Variants in MSRA observed in about 807,000 individuals in gnomAD.
MSRA encodes methionine sulfoxide reductase A, also known as mitochondrial peptide methionine sulfoxide reductase.
MSRA carries 54 observed loss-of-function variants against 31.3 expected under a neutral mutation model. That is an observed-to-expected ratio of 1.73 (90% CI 1.39 to 2.17). The LOEUF is 2.17. MSRA is among the 30% of genes most tolerant of loss of function. The pLI, the probability that MSRA is intolerant of heterozygous loss-of-function variation, is 0.00. For synonymous variants in MSRA, 169 were observed against 116.5 expected (o/e 1.45, Z -2.90); for missense variants, 507 against 300.9 (o/e 1.69, Z -5.07).
chr8:10,192,234 G>A (rs193114972), intron 1 of MSRA, among the ~76,000 whole-genome samples: 37 of 152,198 alleles, frequency 2.4e-4, no homozygotes, highest in African/African-American at 8.2e-4. Context: ...CACTAAGTTC[G>A]GCCTACACTC....
chr8:10,185,025 C>G (rs963337415), intron 1 of MSRA, among the ~76,000 whole-genome samples: 1 of 152,228 alleles, frequency 6.6e-6, no homozygotes, highest in African/African-American at 2.4e-5. Flanking sequence ...CGGTTCTTAA[C>G]TGTTCTTTCC....
At chr8:10,157,749 G>A (rs897437402) in intron 1 of MSRA, among the ~76,000 whole-genome samples, 1 of 151,764 alleles carries the variant, frequency 6.6e-6, no homozygotes, top group East Asian at 1.9e-4. Context: ...TTGCTGATAG[G>A]CCTCTCTCCC....
chr8:10,071,034 C>T (rs576152778), intron 1 of MSRA, among the ~76,000 whole-genome samples: 34 of 152,156 alleles, frequency 2.2e-4, no homozygotes, highest in Non-Finnish European at 4.4e-4. Flanking sequence ...AATTGCTGGG[C>T]ACTTACATGT....
chr8:10,148,724 C>T (rs1351114932), intron 1 of MSRA, among the ~76,000 whole-genome samples: 1 of 141,408 alleles, frequency 7.1e-6, no homozygotes, highest in Non-Finnish European at 1.5e-5. Context: ...ATTGCTTGAA[C>T]CCAGGAGGTC....
intron 5 of MSRA, among the ~76,000 whole-genome samples, chr8:10,389,790 C>CTTTTTTTTT (rs55769720): frequency 1.1e-4 from 13 of 123,386 alleles, no homozygotes; most frequent in Non-Finnish European, 1.5e-4. Context: ...GAAACTTACT[C>CTTTTTTTTT]TTTTTTTTTT....
chr8:10,086,450 AG>A (rs1484999899), intron 1 of MSRA, among the ~76,000 whole-genome samples: 1 of 152,222 alleles, frequency 6.6e-6, no homozygotes, highest in Non-Finnish European at 1.5e-5. Flanking sequence ...TGTTAATTCC[AG>A]CTTTGTGAAT....
At chr8:10,201,458 C>T (rs533606380) in intron 1 of MSRA, among the ~76,000 whole-genome samples, 9 of 152,124 alleles carry the variant, frequency 5.9e-5, no homozygotes, top group Admixed American at 2.0e-4. Flanking sequence ...TAGGTGGTGT[C>T]CCCTGGTCAC....
At chr8:10,417,492 C>CTGG (rs1808537102) in intron 5 of MSRA, among the ~76,000 whole-genome samples, 1 of 151,784 alleles carries the variant, frequency 6.6e-6, no homozygotes, top group African/African-American at 2.4e-5. Flanking sequence ...AGTCAGTGCC[C>CTGG]AGTCAGCCGT....
chr8:10,411,123 T>G (rs1227844512), intron 5 of MSRA: 1 of 152,188 alleles, frequency 6.6e-6, no homozygotes, highest in Non-Finnish European at 1.5e-5. Flanking sequence ...CTCTTTGTTA[T>G]TCTCTTGGCA....
intron 1 of MSRA, among the ~76,000 whole-genome samples, chr8:10,143,344 A>C (rs1802863650): frequency 6.6e-6 from 1 of 152,174 alleles, no homozygotes; most frequent in Admixed American, 6.5e-5. Flanking sequence ...GAACACAGAA[A>C]GCCAAATGCT....
chr8:10,398,553 C>G (rs534592528), intron 5 of MSRA, among the ~76,000 whole-genome samples: 93 of 152,320 alleles, frequency 6.1e-4, no homozygotes, highest in Non-Finnish European at 1.1e-3. Flanking sequence ...AACAGAGTGC[C>G]CAGAACTGGA....
At chr8:10,143,431 C>T (rs1289017990) in intron 1 of MSRA, among the ~76,000 whole-genome samples, 2 of 152,168 alleles carry the variant, frequency 1.3e-5, no homozygotes, top group African/African-American at 2.4e-5. Context: ...AGCCCCGTTA[C>T]TATGGTAACC....
chr8:10,283,836 T>TATATATACACACACACACACACACACAC (rs1261287031), intron 3 of MSRA, among the ~76,000 whole-genome samples: 1 of 53,162 alleles, frequency 1.9e-5, no homozygotes. Context: ...TATATATATA[T>TATATATACACACACACACACACACACAC]ACACACACAC....
intron 2 of MSRA, among the ~76,000 whole-genome samples, chr8:10,218,605 T>C (rs939039363): frequency 3.3e-5 from 5 of 152,226 alleles, no homozygotes; most frequent in African/African-American, 1.2e-4. Context: ...AACTGTATGG[T>C]TACTGTGAGA....
intron 5 of MSRA, among the ~76,000 whole-genome samples, chr8:10,348,357 CTTTTTTTTTTTTTTT>C (rs34083972): frequency 3.1e-5 from 2 of 64,240 alleles, no homozygotes; most frequent in Non-Finnish European, 5.3e-5. Context: ...AAATTATTGC[CTTTTTTTTTTTTTTT>C]TTTTTTTTTT....
intron 5 of MSRA, among the ~76,000 whole-genome samples, chr8:10,418,976 A>G (rs1808649183): frequency 6.6e-6 from 1 of 151,954 alleles, no homozygotes; most frequent in Non-Finnish European, 1.5e-5. Context: ...AAACAAAACA[A>G]AAATATGTCT....
intron 4 of MSRA, among the ~76,000 whole-genome samples, chr8:10,319,127 T>C (rs1000146301): frequency 2.6e-5 from 4 of 152,208 alleles, no homozygotes; most frequent in African/African-American, 9.7e-5. Context: ...AATTCTTGCT[T>C]ATGCCTGCTG....
At chr8:10,235,662 C>G (rs1811875269) in intron 2 of MSRA, among the ~76,000 whole-genome samples, 1 of 152,078 alleles carries the variant, frequency 6.6e-6, no homozygotes, top group Non-Finnish European at 1.5e-5. Flanking sequence ...GACAATGAAA[C>G]AAAGCATCCC....
intron 3 of MSRA, among the ~76,000 whole-genome samples, chr8:10,283,868 C>CACACAT (rs1479551088): frequency 2.3e-5 from 3 of 132,024 alleles, no homozygotes; most frequent in African/African-American, 5.5e-5. Context: ...CACACACACA[C>CACACAT]ATATATATTA....
Sources: gnomAD v4.1 joint callset for allele counts (sites outside exome capture counted in the v4.1 genomes callset) on GRCh38, gnomAD v4.1.1 for gene constraint, MANE v1.5 for transcripts, NCBI Gene and HGNC (gene_info 2026-07-23, HGNC 2026-07-21) for gene names.